LBHD1: variants seen among roughly 807,000 people sequenced by gnomAD.
The protein encoded by LBHD1 is LBH domain-containing protein 1.
LBHD1 carries 28 observed loss-of-function variants against 31.1 expected under a neutral mutation model. That is an observed-to-expected ratio of 0.90 (90% CI 0.67 to 1.24). LBHD1 has a LOEUF of 1.24. LBHD1 is among the 50% of genes most tolerant of loss of function. The pLI, the probability that LBHD1 is intolerant of heterozygous loss-of-function variation, is 0.00. For synonymous variants in LBHD1, 105 were observed against 116.5 expected (o/e 0.90, Z 0.63); for missense variants, 350 against 323.0 (o/e 1.08, Z -0.64).
At position 62,670,035 on chromosome 11, in the gene LBHD1, GGTGATTCTTAGAGTGCAAGATGATTGAA is replaced by G. The variant is rs756068706; in HGVS notation, c.-10-22_-5del. On this transcript the variant is annotated splice_acceptor_variant and splice_polypyrimidine_tract_variant and 5_prime_UTR_variant and intron_variant, in exon 2 of 7. Coordinates refer to ENST00000354588, the MANE Select transcript of LBHD1 (RefSeq NM_024099.5). LOFTEE classifies it low-confidence loss of function (5UTR_SPLICE). ...TTCTCCCTGGCACAAGGGCCATGGT[GGTGATTCTTAGAGTGCAAGATGATTGAA>G]CTCAGAGGAGAGTACTGCTGCCCAG... 6.2e-7 allele frequency: 1 copy of G among 1,607,370 alleles called. No individual in the cohort carries two copies. Among genetic ancestry groups the G allele is most frequent in the Non-Finnish European group, 8.5e-7 (1 of 1,176,482 alleles).
chr11:62,667,782 C>T, intron 3 of LBHD1, 35 bp from the exon 4 acceptor site: 1 of 1,394,590 alleles, frequency 7.2e-7, no homozygotes, highest in South Asian at 1.2e-5. Flanking sequence ...AAAAATATTA[C>T]TGATATATTA....
intron 4 of LBHD1, chr11:62,667,244 C>T (rs1433202633): frequency 7.6e-6 from 5 of 654,180 alleles, no homozygotes; most frequent in South Asian, 2.0e-5. Flanking sequence ...CTTGGAGTTA[C>T]GGAGATTACA....
intron 1 of LBHD1, 132 bp from the exon 2 acceptor site, chr11:62,670,173 G>A (rs1565130339): frequency 1.0e-6 from 1 of 985,446 alleles, no homozygotes; most frequent in Non-Finnish European, 1.5e-6. Context: ...ACGCTTTCAG[G>A]GGAGGGGAAA....
At chr11:62,666,653 T>G (rs752670920) in intron 4 of LBHD1, 45 of 1,614,022 alleles carry the variant, frequency 2.8e-5, no homozygotes, top group Non-Finnish European at 3.6e-5. Flanking sequence ...GGTGGACTTT[T>G]CTCCTGTGGC....
At chr11:62,666,022 C>T (rs1944799403) in intron 4 of LBHD1, 1 of 1,483,932 alleles carries the variant, frequency 6.7e-7, no homozygotes, top group African/African-American at 1.4e-5. Flanking sequence ...CCTCGTGAGT[C>T]AGGAGTGTAG....
intron 1 of LBHD1, 40 bp downstream of exon 1, chr11:62,671,524 T>G: frequency 7.1e-7 from 1 of 1,407,232 alleles, no homozygotes; most frequent in South Asian, 1.5e-5. Flanking sequence ...CAGCCCTTGG[T>G]GCCAGCACTT....
rs1377103970 is a variant in LBHD1, at chr11:62,667,349, A to C, written c.538+174T>G. 3 of 690,544 alleles carry C rather than the reference A, an allele frequency of 4.3e-6. No homozygotes were observed. The Admixed American group carries it at 8.6e-5, about 20-fold the overall frequency. The allele number at this position is 690,544 out of a possible 1,614,324, so 42.8% of individuals were successfully genotyped here. A position where few individuals can be genotyped will look rare whatever the true frequency, so the allele number is the denominator to read the frequency against. Reference sequence around the variant, plus strand: ...CAGTTTCAACTAACTGGAGCTCCTAAAAGCAGCAGACAGGAACTGAATCAA... The same window carrying C: ...CAGTTTCAACTAACTGGAGCTCCTACAAGCAGCAGACAGGAACTGAATCAA... On this transcript the variant is annotated intron_variant, in intron 4 of 6. Coordinates refer to ENST00000354588, the MANE Select transcript of LBHD1 (RefSeq NM_024099.5).
intron 5 of LBHD1, 57 bp downstream of exon 5, chr11:62,664,792 C>A (rs1944749028): frequency 6.5e-7 from 1 of 1,544,658 alleles, no homozygotes; most frequent in African/African-American, 1.4e-5. Context: ...CGGAGCTCTG[C>A]AGGGAGGAAG....
At chr11:62,666,854 A>C (rs1255946602) in intron 4 of LBHD1, 1 of 1,614,188 alleles carries the variant, frequency 6.2e-7, no homozygotes, top group East Asian at 2.2e-5. Context: ...AGGTCTGCCT[A>C]GGGCTTACCA....
intron 2 of LBHD1, 36 bp from the exon 3 acceptor site, chr11:62,669,839 G>T (rs1024240604): frequency 2.5e-6 from 4 of 1,614,088 alleles, no homozygotes; most frequent in Non-Finnish European, 3.4e-6. Context: ...GGCCAAACTG[G>T]AGGGTAAGCC....
rs557045290 is a variant in LBHD1 at position 62,671,664 on chromosome 11, C to T, written c.-111G>A. The T allele has an allele frequency of 2.5e-6, 4 of 1,578,632 alleles. No homozygotes were observed. In the South Asian group the frequency reaches 3.4e-5, roughly 13 times the overall value. Reference sequence around the variant, plus strand: ...CTGCTATAGGGCGCTCTAGCCTGCGCCAAGGGGTAGTGAGACCGCGCGGCA... The same window carrying T: ...CTGCTATAGGGCGCTCTAGCCTGCGTCAAGGGGTAGTGAGACCGCGCGGCA... On this transcript the variant is annotated 5_prime_UTR_variant, in exon 1 of 7. It introduces an in-frame stop codon into an upstream open reading frame of the 5' UTR. Coordinates refer to ENST00000354588, the MANE Select transcript of LBHD1 (RefSeq NM_024099.5).
chr11:62,669,896 G>A lies in LBHD1; in HGVS notation c.136C>T (p.His46Tyr). The change falls in exon 2 of 7, where the codon CAC (histidine) becomes TAC (tyrosine). Residue 46 changes from histidine (H) to tyrosine (Y), a missense_variant. Physicochemically the swap from His to Tyr is moderately conservative, Grantham distance 83. Transcript: ENST00000354588. ...DRGKIGKVEG[H>Y]QHIQDFSQKS... ...GAAGTACTAACCTGAATGTGCTGGT[G>A]ACCTTCAACCTTGCCAATTTTTCCT... The A allele has an allele frequency of 1.9e-6, 3 of 1,614,228 alleles. No homozygotes were observed. Among genetic ancestry groups the A allele is most frequent in the Non-Finnish European group, 2.5e-6 (3 of 1,180,046 alleles).
intron 1 of LBHD1, chr11:62,670,243 G>T: frequency 3.4e-6 from 2 of 585,206 alleles, no homozygotes; most frequent in African/African-American, 1.9e-5. Flanking sequence ...CACTGGGATG[G>T]CAACAAGGGT....
At chr11:62,667,795 A>G (rs1290401672) in intron 3 of LBHD1, 48 bp from the exon 4 acceptor site, 4 of 1,341,568 alleles carry the variant, frequency 3.0e-6, no homozygotes, top group East Asian at 2.3e-5. Flanking sequence ...ATATATTATC[A>G]AATTACAAAA....
rs142209878 is a variant in LBHD1 at position 62,669,643 on chromosome 11, G to A, written c.311C>T (p.Pro104Leu). The change falls in exon 3 of 7, where the codon CCA becomes CTA. Residue 104 changes from proline (P) to leucine (L), a missense_variant and splice_region_variant. Pro to Leu is a moderately conservative substitution (Grantham distance 98). Transcript: ENST00000354588. ...EAFFQDQSEE[P>L]GWAWSPQDPR... is the part of the protein sequence containing the mutation. ...CCTGAATGAGCCACCTCCCTCACCTGGCTCTTCACTTTGGTCTTGGAAGAA... is the reference window on the plus strand; with the variant it reads ...CCTGAATGAGCCACCTCCCTCACCTAGCTCTTCACTTTGGTCTTGGAAGAA... The A allele has an allele frequency of 6.2e-7, 1 of 1,612,106 alleles. No individual in the cohort carries two copies. The highest frequency in any genetic ancestry group is 8.5e-7 in the Non-Finnish European group (1 of 1,178,988).
chr11:62,663,380 C>T (rs746820007), intron 5 of LBHD1, 47 bp from the exon 6 acceptor site: 1 of 1,572,092 alleles, frequency 6.4e-7, no homozygotes, highest in Non-Finnish European at 8.7e-7. Context: ...CCTGAACCAA[C>T]TGAGGTCACA....
At chr11:62,668,869 G>A (rs1362782192) in intron 3 of LBHD1, among the ~76,000 whole-genome samples, 1 of 151,826 alleles carries the variant, frequency 6.6e-6, no homozygotes, top group Non-Finnish European at 1.5e-5. Context: ...AAAAAGTCTA[G>A]AAGAGAAGGT....
intron 4 of LBHD1, chr11:62,666,467 A>G: frequency 6.2e-7 from 1 of 1,613,742 alleles, no homozygotes; most frequent in African/African-American, 1.3e-5. Context: ...TCGTTTGGGC[A>G]CTGTCCCCAC....
At chr11:62,665,250 G>T (rs369837395) in intron 4 of LBHD1, 5 of 756,284 alleles carry the variant, frequency 6.6e-6, no homozygotes, top group Non-Finnish European at 1.1e-5. Context: ...CCTTCCGCGG[G>T]CCAATCGCAA....
Sources: allele counts gnomAD v4.1 joint callset (sites outside exome capture counted in the v4.1 genomes callset), GRCh38; gene constraint gnomAD v4.1.1; transcripts MANE v1.5; gene names NCBI Gene and HGNC (gene_info 2026-07-23, HGNC 2026-07-21).